Variants in TTN observed in about 807,000 individuals in gnomAD.
TTN encodes connectin.
TTN carries 1,525 observed loss-of-function variants against 3,223.0 expected under a neutral mutation model. That is an observed-to-expected ratio of 0.47 (90% CI 0.45 to 0.49). TTN has a LOEUF of 0.49. TTN is among the 20% of genes least tolerant of loss of function. TTN has a pLI of 0.00. For missense variants in TTN, 40,786 were observed against 43,424.0 expected (o/e 0.94, Z 5.40); for synonymous variants, 14,094 against 15,161.0 (o/e 0.93, Z 5.17).
Position 178,587,707 on chromosome 2 carries a change from C to A in TTN, c.63602G>T (p.Arg21201Leu). 1 of 1,612,858 alleles carries A rather than the reference C, an allele frequency of 6.2e-7. No individual in the cohort carries two copies. ...PIRLFAIVRG[R>L]PAPKVTWRKV... is the part of the protein sequence containing the mutation. Reference sequence around the variant, plus strand: ...TCGCCAAGTGACTTTAGGGGCTGGTCGTCCTCTCACTATAGCAAAGAGACG... The same window carrying A: ...TCGCCAAGTGACTTTAGGGGCTGGTAGTCCTCTCACTATAGCAAAGAGACG... The change falls in exon 306 of 363, where the codon CGA (arginine) becomes CTA (leucine). Residue 21201 changes from arginine to leucine, a missense_variant. Coordinates refer to ENST00000589042, the MANE Select transcript of TTN (RefSeq NM_001267550.2).
Position 178,549,001 on chromosome 2 carries a change from T to C in TTN, c.92625A>G (p.Ala30875=), listed in dbSNP as rs541174165. The change falls in exon 339 of 363, where the codon GCA becomes GCG. Residue 30875 remains alanine, a synonymous_variant. Coordinates refer to ENST00000589042, the MANE Select transcript of TTN (RefSeq NM_001267550.2). ...LGDWHKVNAE[A]CVKTRYTVTD... is the part of the protein sequence containing the mutation. ...TGACTGTATATCTTGTTTTCACACA[T>C]GCCTCTGCATTCACCTTGTGCCAGT... 3 of 1,613,928 alleles carry C rather than the reference T, an allele frequency of 1.9e-6. No homozygotes were observed. The highest frequency in any genetic ancestry group is 1.1e-5 in the South Asian group (1 of 91,082).
rs1217858818 is a variant in TTN, at chr2:178,574,297, C to G, written c.71835G>C (p.Trp23945Cys). Residue 23945 changes from tryptophan to cysteine, a missense_variant, in exon 326 of 363, where the codon TGG (tryptophan) becomes TGC (cysteine). Physicochemically the swap from Trp to Cys is radical, Grantham distance 215. Transcript: ENST00000589042. ...AGCCCCCAGTATATTCAGGCTTAGC[C>G]CATTTAAGTGTTACTGTGTGTCTTG... is the stretch of plus-strand genomic sequence containing the variant. ...NITRHTVTLKWAKPEYTGGFK... is the reference protein window; with the variant it reads ...NITRHTVTLKCAKPEYTGGFK... The G allele has an allele frequency of 6.2e-7, 1 of 1,613,386 alleles. No individual in the cohort carries two copies. The highest frequency in any genetic ancestry group is 8.5e-7 in the Non-Finnish European group (1 of 1,179,624).
chr2:178,667,226 A>T lies in TTN; in HGVS notation c.35797+10T>A. 6.3e-7 allele frequency: 1 copy of T among 1,586,008 alleles called. No individual in the cohort carries two copies. On this transcript the variant is annotated intron_variant, in intron 162 of 362. Coordinates refer to ENST00000589042, the MANE Select transcript of TTN (RefSeq NM_001267550.2). ...TTCTTCTTTAGATTTTCCTAACTAGAGAATTATACCTTCAGTTGGAGGATG... is the reference window on the plus strand; with the variant it reads ...TTCTTCTTTAGATTTTCCTAACTAGTGAATTATACCTTCAGTTGGAGGATG...
At position 178,719,247 on chromosome 2, in the gene TTN, T is replaced by C; in HGVS notation, c.24143A>G (p.Glu8048Gly). 6.2e-7 allele frequency: 1 copy of C among 1,613,708 alleles called. No homozygotes were observed. Among genetic ancestry groups the C allele is most frequent in the Non-Finnish European group, 8.5e-7 (1 of 1,179,732 alleles). Residue 8048 changes from glutamate to glycine, a missense_variant, in exon 83 of 363, where the codon GAG becomes GGG. Glu to Gly is a moderately conservative substitution (Grantham distance 98). Coordinates refer to ENST00000589042, the MANE Select transcript of TTN (RefSeq NM_001267550.2). ...NVCTLNLSLL[E>G]PSDTGIYTCV... ...CGTGTATATGCCTGTGTCGGAGGGCTCCAACAAGCTCAGATTCAAAGTACA... is the reference window on the plus strand; with the variant it reads ...CGTGTATATGCCTGTGTCGGAGGGCCCCAACAAGCTCAGATTCAAAGTACA...
chr2:178,568,791 C>G lies in TTN; in HGVS notation c.77341G>C (p.Asp25781His). The G allele has an allele frequency of 5.0e-6, 8 of 1,612,964 alleles. No homozygotes were observed. Among genetic ancestry groups the G allele is most frequent in the Non-Finnish European group, 5.9e-6 (7 of 1,179,342 alleles). Residue 25781 changes from aspartate (D) to histidine (H), a missense_variant, in exon 326 of 363, where the codon GAT (aspartate) becomes CAT (histidine). Coordinates refer to ENST00000589042, the MANE Select transcript of TTN (RefSeq NM_001267550.2). The stretch of plus-strand genomic sequence containing the variant: ...ATTGGAACTGCAAGGGACCGAGGAT[C>G]ACTTCTCCCCTTTTCATTTACAGCA... ...VVAVNEKGRS[D>H]PRSLAVPIVA... is the part of the protein sequence containing the mutation.
intron 6 of TTN, among the ~76,000 whole-genome samples, chr2:178,795,775 C>T (rs1294853050): frequency 7.2e-5 from 11 of 152,044 alleles, no homozygotes; most frequent in Admixed American, 7.2e-4. Context: ...TGTCAGTATG[C>T]CTTGTGAATT....
Position 178,597,545 on chromosome 2 carries a change from A to G in TTN, c.57537T>C (p.Asp19179=), listed in dbSNP as rs752229858. 7 of 1,610,972 alleles carry G rather than the reference A, an allele frequency of 4.3e-6. No individual in the cohort carries two copies. Among genetic ancestry groups the G allele is most frequent in the East Asian group, 2.2e-5 (1 of 44,538 alleles). The change falls in exon 294 of 363, where the codon GAT becomes GAC. Residue 19179 remains aspartate (D), a synonymous_variant. Coordinates refer to ENST00000589042, the MANE Select transcript of TTN (RefSeq NM_001267550.2). ...AGERKKTIIV[D]VLDVPGPVGT... ...CAAATTGAAAGTATTTACCTAATAC[A>G]TCAACAATAATTGTCTTCTTTCTTT...
rs765979598 is a variant in TTN at position 178,587,925 on chromosome 2, T to C, written c.63482A>G (p.Glu21161Gly). The change falls in exon 305 of 363, where the codon GAA (glutamate) becomes GGA (glycine). Residue 21161 changes from glutamate to glycine, a missense_variant. Glu to Gly is a moderately conservative substitution (Grantham distance 98, BLOSUM62 -2). Transcript: ENST00000589042. ...TAGTATTTCTTTAGGTTTGATAGCT[T>C]CCTTTAGCTCTGCAGGGCGCCCAAT... The part of the protein sequence containing the change: ...VGIGRPAELK[E>G]AIKPKEILEP... The C allele has an allele frequency of 1.2e-6, 2 of 1,601,416 alleles. No individual in the cohort carries two copies. Among genetic ancestry groups the C allele is most frequent in the Non-Finnish European group, 8.5e-7 (1 of 1,172,166 alleles).
intron 361 of TTN, 112 bp from the exon 362 acceptor site, chr2:178,527,860 C>G: frequency 9.7e-7 from 1 of 1,029,798 alleles, no homozygotes; most frequent in Non-Finnish European, 1.4e-6. Context: ...CAGCATAACC[C>G]AAACAATTTG....
rs938213426 is a variant in TTN at position 178,728,143 on chromosome 2, C to T, written c.19681G>A (p.Asp6561Asn). 1.9e-6 allele frequency: 3 copies of T among 1,602,146 alleles called. No individual in the cohort carries two copies. Among genetic ancestry groups the T allele is most frequent in the Admixed American group, 1.7e-5 (1 of 59,236 alleles). The change falls in exon 67 of 363, where the codon GAT becomes AAT. Residue 6561 changes from aspartate to asparagine, a missense_variant. Physicochemically the swap from Asp to Asn is conservative, Grantham distance 23. Coordinates refer to ENST00000589042, the MANE Select transcript of TTN (RefSeq NM_001267550.2). ...GTTAAGATGCCACTGCATGCATCAT[C>T]TCCTGCTACATTTGACACTTTGCAT... The part of the protein sequence containing the change: ...YTCKVSNVAG[D>N]DACSGILTVK...
chr2:178,804,950 C>T (rs1241425010), intron 1 of TTN, among the ~76,000 whole-genome samples: 2 of 152,128 alleles, frequency 1.3e-5, no homozygotes, highest in African/African-American at 4.8e-5. Flanking sequence ...TACAGTCTTA[C>T]CAATGGTGGA....
In TTN at chr2:178,652,870, C is replaced by G. The variant is rs761044224; in HGVS notation, c.38937G>C (p.Lys12979Asn). 1.9e-6 allele frequency: 3 copies of G among 1,611,288 alleles called. No homozygotes were observed. The highest frequency in any genetic ancestry group is 2.2e-5 in the East Asian group (1 of 44,796). Residue 12979 changes from lysine (K) to asparagine (N), a missense_variant, in exon 200 of 363, where the codon AAG becomes AAC. By Grantham distance (94) the Lys-to-Asn change is moderately conservative. Transcript: ENST00000589042. The part of the protein sequence containing the change: ...EKKMPLAPPK[K>N]PEVPPVKVPE... ...TACCTTTAACAGGAGGGACTTCAGG[C>G]TTTTTAGGAGGAGCCAAGGGCATTT...
At position 178,714,516 on chromosome 2, in the gene TTN, ACTT is replaced by A; in HGVS notation, c.26255_26257del (p.Glu8752del). 6.2e-7 allele frequency: 1 copy of A among 1,613,106 alleles called. No individual in the cohort carries two copies. Among genetic ancestry groups the A allele is most frequent in the Non-Finnish European group, 8.5e-7 (1 of 1,179,502 alleles). On this transcript the variant is annotated inframe_deletion, in exon 91 of 363. Transcript: ENST00000589042. ...GCCTTCAATGGTAGTCTGCAGCTGAACTTCTTTACCAACGACAGTAGATATGTC... is the reference window on the plus strand; with the variant it reads ...GCCTTCAATGGTAGTCTGCAGCTGAACTTTACCAACGACAGTAGATATGTC...
chr2:178,800,720 A>G (rs1288839446), intron 3 of TTN, 38 bp from the exon 4 acceptor site: 1 of 1,577,788 alleles, frequency 6.3e-7, no homozygotes, highest in Admixed American at 1.8e-5. Flanking sequence ...AGTGAGAGCC[A>G]GGGTGCTCCC....
In TTN at chr2:178,723,400, G is replaced by A. The variant is rs777303422; in HGVS notation, c.21682+18C>T. ...TCGGTATACAGAAAACAGAAAAAGT[G>A]AATCCACTTGAGCAAACCTTTCACA... On this transcript the variant is annotated intron_variant, in intron 74 of 362. Transcript: ENST00000589042. The A allele has an allele frequency of 1.2e-6, 2 of 1,605,410 alleles. No homozygotes were observed. Among genetic ancestry groups the A allele is most frequent in the Non-Finnish European group, 1.7e-6 (2 of 1,175,352 alleles).
intron 30 of TTN, 41 bp downstream of exon 30, chr2:178,774,166 A>G: frequency 6.2e-7 from 1 of 1,614,154 alleles, no homozygotes; most frequent in Non-Finnish European, 8.5e-7. Context: ...AATAAACCAT[A>G]ATGATGCTCA....
At position 178,681,529 on chromosome 2, in the gene TTN, G is replaced by T. The variant is rs2069391246; in HGVS notation, c.33173-79C>A. ...CTAGCAAGAACAAAAAGTTAAGAAA[G>T]ACAAATACAACATAATATTCCCAAA... On this transcript the variant is annotated intron_variant, in intron 136 of 362. Transcript: ENST00000589042. 2.7e-6 allele frequency: 4 copies of T among 1,473,622 alleles called. No individual in the cohort carries two copies. The South Asian group carries it at 5.0e-5, about 18-fold the overall frequency. The allele number at this position is 1,473,622 out of a possible 1,614,324, so 91.3% of individuals were successfully genotyped here. A position where few individuals can be genotyped will look rare whatever the true frequency, so the allele number is the denominator to read the frequency against.
At chr2:178,771,609 C>A in intron 33 of TTN, 138 bp from the exon 34 acceptor site, 1 of 1,283,778 alleles carries the variant, frequency 7.8e-7, no homozygotes, top group Non-Finnish European at 1.1e-6. Flanking sequence ...TGTTTTTACC[C>A]ATATTGAGAA....
At chr2:178,708,502 A>G (rs548453550) in intron 99 of TTN, among the ~76,000 whole-genome samples, 1 of 152,302 alleles carries the variant, frequency 6.6e-6, no homozygotes, top group South Asian at 2.1e-4. Flanking sequence ...AGAAAGAATA[A>G]GGCCATTTTT....
Sources: gnomAD v4.1 joint callset for allele counts (sites outside exome capture counted in the v4.1 genomes callset) on GRCh38, gnomAD v4.1.1 for gene constraint, MANE v1.5 for transcripts, NCBI Gene and HGNC (gene_info 2026-07-23, HGNC 2026-07-21) for gene names.